Variants in NECAB1 observed in about 807,000 individuals in gnomAD.
The protein encoded by NECAB1 is N-terminal EF-hand calcium binding protein 1, also known as N-terminal EF-hand calcium-binding protein 1.
A neutral mutation model predicts 57.5 loss-of-function variants in NECAB1; 29 were observed. That is an observed-to-expected ratio of 0.50 (90% confidence interval 0.38 to 0.69). The LOEUF (loss-of-function observed/expected upper bound fraction) is 0.69. Among genes scored for constraint, NECAB1 ranks in the 30% least tolerant of loss-of-function variants. NECAB1 has a pLI of 0.00. For synonymous variants in NECAB1, 142 were observed against 147.7 expected, an observed-to-expected ratio of 0.96 and a Z score of 0.28; for missense variants, 372 against 413.8, an observed-to-expected ratio of 0.90 and a Z score of 0.88.
chr8:90,800,599 G>A lies in NECAB1; in HGVS notation c.100-1092G>A, dbSNP rs1563490669. Among the ~76,000 whole-genome samples, 3 of 152,254 alleles carry A rather than the reference G, an allele frequency of 2.0e-5. No individual in the cohort carries two copies. In the East Asian group the frequency reaches 5.8e-4, roughly 29 times the overall value. On this transcript the variant is annotated intron_variant, in intron 1 of 12. Transcript: ENST00000417640. The stretch of plus-strand genomic sequence containing the variant: ...ATTTCCAGATAAAGTTACATTCGTG[G>A]ATACTGAGCATTAGGATTTCAACAT...
intron 5 of NECAB1, among the ~76,000 whole-genome samples, chr8:90,883,949 G>T (rs575239798): frequency 6.6e-6 from 1 of 152,212 alleles, no homozygotes; most frequent in South Asian, 2.1e-4. Flanking sequence ...CTGATGCTAC[G>T]GCTGAATTCA....
intron 1 of NECAB1, among the ~76,000 whole-genome samples, chr8:90,793,920 T>C (rs1015218650): frequency 3.9e-5 from 6 of 152,262 alleles, no homozygotes; most frequent in Non-Finnish European, 8.8e-5. Context: ...TTTTTTATTA[T>C]GTATGCATGA....
Position 90,872,412 on chromosome 8 carries a change from G to C in NECAB1, c.259+259G>C, listed in dbSNP as rs78802107. ...CAATCAGTACATTAGTTTCGCAAGA[G>C]CAAATTCTCCACAAGTTTGAATATA... On this transcript the variant is annotated intron_variant, in intron 4 of 12. Coordinates refer to ENST00000417640, the MANE Select transcript of NECAB1 (RefSeq NM_022351.5). 8.7e-3 allele frequency: 2,941 copies of C among 337,652 alleles called. 83 individuals carry two copies. Among genetic ancestry groups the C allele is most frequent in the African/African-American group, 0.058 (2,709 of 47,084 alleles). 20.9% of individuals were successfully genotyped at this position (337,652 alleles called of 1,614,324 possible). A position where few individuals can be genotyped will look rare whatever the true frequency, so the allele number is the denominator to read the frequency against.
In NECAB1 at chr8:90,843,427, CCTT is replaced by C. The variant is rs1167204228; in HGVS notation, c.233+18605_233+18607del. Among the ~76,000 whole-genome samples, 3 of 152,186 alleles carry C rather than the reference CCTT, an allele frequency of 2.0e-5. No individual in the cohort carries two copies. The South Asian group carries it at 6.2e-4, about 31-fold the overall frequency. On this transcript the variant is annotated intron_variant, in intron 3 of 12. Coordinates refer to ENST00000417640, the MANE Select transcript of NECAB1 (RefSeq NM_022351.5). ...AGAGAAGGATCTTTTTATGCTTTCTCCTTCTGTTCTTTTTCTTTAAGTTCTGAA... is the reference window on the plus strand; with the variant it reads ...AGAGAAGGATCTTTTTATGCTTTCTCCTGTTCTTTTTCTTTAAGTTCTGAA...
chr8:90,879,498 A>G (rs1038047439), intron 4 of NECAB1, among the ~76,000 whole-genome samples: 1 of 151,942 alleles, frequency 6.6e-6, no homozygotes, highest in Admixed American at 6.6e-5. Flanking sequence ...CCCTGTCACA[A>G]TCCTCTTTGA....
chr8:90,827,553 C>T (rs2129713912), intron 3 of NECAB1, among the ~76,000 whole-genome samples: 1 of 152,120 alleles, frequency 6.6e-6, no homozygotes, highest in African/African-American at 2.4e-5. Flanking sequence ...GTTACCCAAT[C>T]ACAGTCCTGC....
chr8:90,947,157 A>G (rs2130260854), intron 10 of NECAB1, among the ~76,000 whole-genome samples: 1 of 151,934 alleles, frequency 6.6e-6, no homozygotes, highest in African/African-American at 2.4e-5. Context: ...TTTTCCCTCC[A>G]TTTCTTTTCT....
chr8:90,818,390 G>A (rs1371010282), intron 2 of NECAB1, among the ~76,000 whole-genome samples: 1 of 151,788 alleles, frequency 6.6e-6, no homozygotes, highest in Non-Finnish European at 1.5e-5. Context: ...TATTGATTTT[G>A]GTTCTTTCTT....
At chr8:90,905,374 C>A (rs1809614755) in intron 5 of NECAB1, among the ~76,000 whole-genome samples, 1 of 152,102 alleles carries the variant, frequency 6.6e-6, no homozygotes, top group Non-Finnish European at 1.5e-5. Flanking sequence ...CAAGTTAGTG[C>A]AGTGGTTCAA....
intron 3 of NECAB1, among the ~76,000 whole-genome samples, chr8:90,825,868 T>C (rs1181839087): frequency 6.6e-6 from 1 of 151,878 alleles, no homozygotes; most frequent in African/African-American, 2.4e-5. Flanking sequence ...ACAATAACTC[T>C]AGCATATCAA....
chr8:90,903,843 A>C (rs1809569916), intron 5 of NECAB1: 2 of 152,202 alleles, frequency 1.3e-5, no homozygotes. Flanking sequence ...AAGTGGCTTT[A>C]ATTCATTGAC....
chr8:90,867,828 G>A (rs1192953457), intron 3 of NECAB1, among the ~76,000 whole-genome samples: 1 of 152,168 alleles, frequency 6.6e-6, no homozygotes, highest in East Asian at 1.9e-4. Context: ...CCCACTCTGA[G>A]AACTGGCCTG....
chr8:90,901,891 C>G (rs556349171), intron 5 of NECAB1, among the ~76,000 whole-genome samples: 43 of 151,670 alleles, frequency 2.8e-4, no homozygotes, highest in Non-Finnish European at 5.4e-4. Context: ...CGTTTGCACT[C>G]TCTGTATTTG....
In NECAB1 at chr8:90,955,907, G is replaced by C. The variant is rs201815840; in HGVS notation, c.*395G>C. On this transcript the variant is annotated 3_prime_UTR_variant, in exon 13 of 13. Coordinates refer to ENST00000417640, the MANE Select transcript of NECAB1 (RefSeq NM_022351.5). Reference sequence around the variant, plus strand: ...CATAGGGCAGATTTTGTAAACTGTCGTATACTGTAAAGGGTTAAATCAGCG... The same window carrying C: ...CATAGGGCAGATTTTGTAAACTGTCCTATACTGTAAAGGGTTAAATCAGCG... The C allele has an allele frequency of 6.1e-6, 1 of 164,654 alleles. No individual in the cohort carries two copies. Among genetic ancestry groups the C allele is most frequent in the South Asian group, 1.7e-4 (1 of 5,856 alleles). The allele number at this position is 164,654 out of a possible 1,614,324, so 10.2% of individuals were successfully genotyped here.
At chr8:90,851,397 G>A (rs1400613319) in intron 3 of NECAB1, among the ~76,000 whole-genome samples, 1 of 152,184 alleles carries the variant, frequency 6.6e-6, no homozygotes, top group African/African-American at 2.4e-5. Flanking sequence ...GGCATCTGCA[G>A]TGGGCTAGGG....
At chr8:90,864,754 T>C (rs1808477502) in intron 3 of NECAB1, among the ~76,000 whole-genome samples, 1 of 152,208 alleles carries the variant, frequency 6.6e-6, no homozygotes, top group African/African-American at 2.4e-5. Flanking sequence ...GATGGGATTC[T>C]ACCATGTAGT....
chr8:90,950,601 T>C (rs1455647066), intron 11 of NECAB1, among the ~76,000 whole-genome samples: 1 of 152,152 alleles, frequency 6.6e-6, no homozygotes, highest in East Asian at 1.9e-4. Flanking sequence ...GGAAATTCAG[T>C]TGATCCATGT....
chr8:90,915,132 A>G (rs1809920781), intron 5 of NECAB1, among the ~76,000 whole-genome samples: 1 of 152,180 alleles, frequency 6.6e-6, no homozygotes, highest in Non-Finnish European at 1.5e-5. Flanking sequence ...TTTGCTTTAT[A>G]TTAGTCATAG....
intron 3 of NECAB1, among the ~76,000 whole-genome samples, chr8:90,862,806 T>TTCCCTTATTTTCCTATCTCCAACTCA (rs1554569157): frequency 6.7e-6 from 1 of 150,334 alleles, no homozygotes; most frequent in Non-Finnish European, 1.5e-5. Flanking sequence ...TACAAAGTAT[T>TTCCCTTATTTTCCTATCTCCAACTCA]TCCCTTATTT....
Sources: allele counts gnomAD v4.1 joint callset (sites outside exome capture counted in the v4.1 genomes callset), GRCh38; gene constraint gnomAD v4.1.1; transcripts MANE v1.5; gene names NCBI Gene and HGNC (gene_info 2026-07-23, HGNC 2026-07-21).